Variants in PTK2 observed in about 807,000 individuals in gnomAD.
The protein encoded by PTK2 is focal adhesion kinase 1.
In PTK2, 45 loss-of-function variants were observed where a neutral mutation model predicts 150.1. The ratio of observed to expected loss-of-function variants is 0.30; its 90% CI spans 0.24 to 0.38. The LOEUF is 0.38. Ranked by LOEUF, PTK2 falls within the 10% of genes least tolerant of loss-of-function variation. The pLI, the probability that PTK2 is intolerant of heterozygous loss-of-function variation, is 1.00. For missense variants in PTK2, 919 were observed against 1,307.3 expected, an observed-to-expected ratio of 0.70 and a Z score of 4.58; for synonymous variants, 432 against 449.2, an observed-to-expected ratio of 0.96 and a Z score of 0.48.
chr8:140,686,240 G>C (rs187227253), intron 27 of PTK2, among the ~76,000 whole-genome samples: 4 of 152,242 alleles, frequency 2.6e-5, no homozygotes, highest in Admixed American at 2.6e-4. Context: ...GCCCACTTGA[G>C]GGTGGAGGGT....
intron 23 of PTK2, among the ~76,000 whole-genome samples, chr8:140,710,738 C>A (rs987627897): frequency 6.6e-5 from 10 of 152,170 alleles, no homozygotes; most frequent in Admixed American, 6.5e-4. Flanking sequence ...AGGTTATATG[C>A]AATTCTGTGC....
rs189660737 is a variant in PTK2, at chr8:140,673,238, G to A, written c.2709+1060C>T. ...TTCTCCTGCCTCAGCCACCTGAGTA[G>A]CTGGGATTGCAGACATGCACCACCA... is the stretch of plus-strand genomic sequence containing the variant. On this transcript the variant is annotated intron_variant, in intron 29 of 31. Coordinates refer to ENST00000522684, the Ensembl canonical transcript of PTK2. Among the ~76,000 whole-genome samples the A allele has an allele frequency of 2.8e-3, 424 of 152,110 alleles. 2 individuals are homozygous for A. Among genetic ancestry groups the A allele is most frequent in the Non-Finnish European group, 3.9e-3 (267 of 68,012 alleles).
chr8:140,953,906 G>A (rs2100180339), intron 1 of PTK2, among the ~76,000 whole-genome samples: 1 of 151,470 alleles, frequency 6.6e-6, no homozygotes, highest in Admixed American at 6.6e-5. Context: ...TACCACACCT[G>A]ACAATTTTTG....
intron 8 of PTK2, among the ~76,000 whole-genome samples, chr8:140,827,416 C>T (rs1263190023): frequency 6.6e-6 from 1 of 151,806 alleles, no homozygotes; most frequent in Non-Finnish European, 1.5e-5. Flanking sequence ...AGGTACAGCT[C>T]AAGATGGCAG....
At chr8:140,709,573 T>C (rs2100035654) in intron 23 of PTK2, among the ~76,000 whole-genome samples, 1 of 152,192 alleles carries the variant, frequency 6.6e-6, no homozygotes, top group Non-Finnish European at 1.5e-5. Context: ...TGTCTCCCTA[T>C]TGTCAATGAT....
intron 10 of PTK2, among the ~76,000 whole-genome samples, chr8:140,812,635 CCTAT>C (rs1432392839): frequency 6.6e-6 from 1 of 152,058 alleles, no homozygotes; most frequent in Non-Finnish European, 1.5e-5. Context: ...CTTCAAAATA[CCTAT>C]CTCACATGCA....
At chr8:140,693,582 A>T (rs1445659985) in intron 26 of PTK2, among the ~76,000 whole-genome samples, 6 of 136,046 alleles carry the variant, frequency 4.4e-5, no homozygotes, top group Admixed American at 1.4e-4. Flanking sequence ...AAAAAAAAAA[A>T]AAAAAAAAAA....
At chr8:140,777,586 A>C (rs2100079195) in intron 14 of PTK2, among the ~76,000 whole-genome samples, 1 of 152,208 alleles carries the variant, frequency 6.6e-6, no homozygotes, top group Non-Finnish European at 1.5e-5. Context: ...TAGATCTAAA[A>C]ACTCCCACTA....
chr8:140,846,231 C>A, intron 7 of PTK2, 29 bp downstream of exon 7: 1 of 1,516,848 alleles, frequency 6.6e-7, no homozygotes, highest in Non-Finnish European at 9.0e-7. Context: ...TGCATATTTG[C>A]AGGTATAGAT....
At chr8:140,805,994 T>C (rs952793114) in intron 10 of PTK2, among the ~76,000 whole-genome samples, 84 of 152,206 alleles carry the variant, frequency 5.5e-4, no homozygotes, top group African/African-American at 2.0e-3. Flanking sequence ...TGATATGTGC[T>C]CTAGTTTCGT....
At chr8:140,688,179 T>C (rs1219040404) in intron 26 of PTK2, among the ~76,000 whole-genome samples, 1 of 152,172 alleles carries the variant, frequency 6.6e-6, no homozygotes, top group Admixed American at 6.5e-5. Context: ...TAGCAGACAG[T>C]AAGCAAAGAG....
At chr8:140,668,204 A>G in intron 30 of PTK2, 65 bp downstream of exon 34, 1 of 1,589,726 alleles carries the variant, frequency 6.3e-7, no homozygotes, top group Non-Finnish European at 8.6e-7. Context: ...ACATCTATCA[A>G]CTGGCACCAC....
At chr8:140,751,842 C>T (rs951085409) in intron 17 of PTK2, 11 of 501,294 alleles carry the variant, frequency 2.2e-5, no homozygotes, top group Non-Finnish European at 3.6e-5. Flanking sequence ...GGTCATAGAG[C>T]CCTATTCCTT....
chr8:140,719,887 C>CAAAAAAA (rs71308987), intron 22 of PTK2, among the ~76,000 whole-genome samples: 2 of 90,870 alleles, frequency 2.2e-5, no homozygotes, highest in African/African-American at 5.3e-5. Context: ...CTTGTCTCAC[C>CAAAAAAA]AAAAAAAAAA....
intron 2 of PTK2, chr8:140,921,018 G>C (rs2100167191): frequency 7.8e-7 from 1 of 1,289,534 alleles, no homozygotes; most frequent in South Asian, 2.6e-5. Context: ...AGGTTCCCCT[G>C]TGTGCTCCTT....
chr8:140,954,798 T>A (rs1386041371), intron 1 of PTK2: 1 of 152,152 alleles, frequency 6.6e-6, no homozygotes. Context: ...AAAAAAATAC[T>A]TCTAATTTCT....
At chr8:140,693,940 A>G (rs1353357449) in intron 26 of PTK2, among the ~76,000 whole-genome samples, 1 of 152,244 alleles carries the variant, frequency 6.6e-6, no homozygotes, top group Non-Finnish European at 1.5e-5. Flanking sequence ...GACCTTACTG[A>G]AGTAAATGGC....
rs1322734876 is a variant in PTK2 at position 140,967,453 on chromosome 8, CTTTCTTTCT to C, written c.-122+33663_-122+33671del. 6.5e-4 allele frequency among the ~76,000 whole-genome samples: 82 copies of C among 126,688 alleles called. No individual in the cohort carries two copies. The East Asian group carries it at 0.015, about 24-fold the overall frequency. The allele number at this position is 126,688 out of a possible 152,430, so 83.1% of individuals were successfully genotyped here. A position where few individuals can be genotyped will look rare whatever the true frequency, so the allele number is the denominator to read the frequency against. ...GCTCAAACCCAGTATTTCTTTCTTT[CTTTCTTTCT>C]TTTTTTTTTTTTTTTTGAGACGGAG... On this transcript the variant is annotated intron_variant, in intron 1 of 31. Coordinates refer to ENST00000522684, the Ensembl canonical transcript of PTK2.
At chr8:140,669,516 C>T (rs1046337432) in intron 29 of PTK2, 4 of 531,774 alleles carry the variant, frequency 7.5e-6, no homozygotes, top group South Asian at 3.2e-5. Context: ...TAGAAAAGCA[C>T]AAGAATAATT....
Sources: allele counts gnomAD v4.1 joint callset (sites outside exome capture counted in the v4.1 genomes callset), GRCh38; gene constraint gnomAD v4.1.1; transcripts MANE v1.5; gene names NCBI Gene and HGNC (gene_info 2026-07-23, HGNC 2026-07-21).